Variants in MACROD2 observed in about 807,000 individuals in gnomAD.
MACROD2 encodes mono-ADP ribosylhydrolase 2.
MACROD2 carries 36 observed loss-of-function variants against 70.4 expected under a neutral mutation model. The ratio of observed to expected loss-of-function variants is 0.51; its 90% CI spans 0.39 to 0.68. The LOEUF (loss-of-function observed/expected upper bound fraction) is 0.68. Among genes scored for constraint, MACROD2 ranks in the 30% least tolerant of loss-of-function variants. The pLI is 0.00. For missense variants in MACROD2, 496 were observed against 538.4 expected (o/e 0.92, Z 0.78); for synonymous variants, 172 against 178.8 (o/e 0.96, Z 0.30).
intron 3 of MACROD2, among the ~76,000 whole-genome samples, chr20:14,263,709 G>A (rs948990241): frequency 1.3e-5 from 2 of 151,878 alleles, no homozygotes; most frequent in Non-Finnish European, 2.9e-5. Context: ...GCTTGTAATC[G>A]CAGCACTTTG....
intron 8 of MACROD2, among the ~76,000 whole-genome samples, chr20:15,627,945 T>C (rs191098945): frequency 1.3e-5 from 2 of 152,338 alleles, no homozygotes; most frequent in Admixed American, 1.3e-4. Flanking sequence ...CGTAATTTTC[T>C]CACTGTTATA....
intron 6 of MACROD2, among the ~76,000 whole-genome samples, chr20:15,268,533 A>C (rs983903155): frequency 1.3e-5 from 2 of 152,182 alleles, no homozygotes; most frequent in African/African-American, 4.8e-5. Flanking sequence ...GGGCGCCTGT[A>C]ATCCTAGCTA....
chr20:15,928,690 G>A (rs965041097), intron 10 of MACROD2, among the ~76,000 whole-genome samples: 3 of 152,224 alleles, frequency 2.0e-5, no homozygotes, highest in African/African-American at 7.2e-5. Flanking sequence ...TAGACACTGA[G>A]TGGAACATAT....
intron 3 of MACROD2, among the ~76,000 whole-genome samples, chr20:14,200,738 T>C (rs1409543386): frequency 6.6e-6 from 1 of 152,328 alleles, no homozygotes; most frequent in South Asian, 2.1e-4. Context: ...CATCTCTTGA[T>C]TTTATGTTTT....
At chr20:15,340,122 C>CT (rs1813670640) in intron 6 of MACROD2, among the ~76,000 whole-genome samples, 1 of 81,880 alleles carries the variant, frequency 1.2e-5, no homozygotes, top group Admixed American at 1.4e-4. Context: ...TTCTTTCTTT[C>CT]TTTCTTTCTT....
chr20:15,790,319 C>T (rs1260539992), intron 8 of MACROD2, among the ~76,000 whole-genome samples: 1 of 151,378 alleles, frequency 6.6e-6, no homozygotes, highest in Non-Finnish European at 1.5e-5. Flanking sequence ...TTTTTACATT[C>T]TTATTATGAA....
intron 10 of MACROD2, among the ~76,000 whole-genome samples, chr20:15,919,503 G>A (rs943154263): frequency 1.3e-5 from 2 of 152,192 alleles, no homozygotes; most frequent in Admixed American, 6.5e-5. Context: ...TTGGGAGGCC[G>A]AGGTGGGCAG....
chr20:15,407,058 C>T (rs758362924), intron 6 of MACROD2, among the ~76,000 whole-genome samples: 27 of 152,272 alleles, frequency 1.8e-4, no homozygotes, highest in Middle Eastern at 3.4e-3. Context: ...TGACTGGTTC[C>T]GAGTCCTAGC....
intron 3 of MACROD2, among the ~76,000 whole-genome samples, chr20:14,364,137 C>A: frequency 6.6e-6 from 1 of 152,124 alleles, no homozygotes; most frequent in East Asian, 1.9e-4. Flanking sequence ...GTTTGCTGAT[C>A]TTTTCCTTTT....
At chr20:14,471,408 G>C (rs543564974) in intron 3 of MACROD2, among the ~76,000 whole-genome samples, 1 of 152,256 alleles carries the variant, frequency 6.6e-6, no homozygotes, top group African/African-American at 2.4e-5. Flanking sequence ...TTGACATGCT[G>C]AATGACAACA....
chr20:14,463,457 A>C (rs375684053), intron 3 of MACROD2, among the ~76,000 whole-genome samples: 1 of 151,900 alleles, frequency 6.6e-6, no homozygotes, highest in Non-Finnish European at 1.5e-5. Flanking sequence ...GGGTTTTCTA[A>C]ATATACAATC....
intron 10 of MACROD2, among the ~76,000 whole-genome samples, chr20:15,932,145 T>A (rs1404678650): frequency 6.6e-6 from 1 of 152,030 alleles, no homozygotes; most frequent in Non-Finnish European, 1.5e-5. Context: ...GCTGGCAGGG[T>A]GGAAAGGTTC....
intron 5 of MACROD2, among the ~76,000 whole-genome samples, chr20:14,686,671 T>C (rs539406503): frequency 6.6e-6 from 1 of 152,296 alleles, no homozygotes; most frequent in East Asian, 1.9e-4. Context: ...ATAGTCTAGG[T>C]GTGTAGTAGG....
chr20:14,462,598 AAGTCC>A lies in MACROD2; in HGVS notation c.272-30880_272-30876del, dbSNP rs995884489. On this transcript the variant is annotated intron_variant, in intron 3 of 17. Coordinates refer to ENST00000684519, the MANE Select transcript of MACROD2 (RefSeq NM_001351661.2). ...CATTGCTTTTGGTGTTTTAGACATG[AAGTCC>A]TTGCCCATGCCTATGTCCTGAATGG... 2.6e-4 allele frequency among the ~76,000 whole-genome samples: 31 copies of A among 118,434 alleles called. No homozygotes were observed. The East Asian group carries it at 0.018, about 70-fold the overall frequency. 77.7% of individuals were successfully genotyped at this position (118,434 alleles called of 152,430 possible).
At chr20:15,575,711 G>T (rs1304760393) in intron 8 of MACROD2, among the ~76,000 whole-genome samples, 1 of 152,116 alleles carries the variant, frequency 6.6e-6, no homozygotes, top group Non-Finnish European at 1.5e-5. Flanking sequence ...AGCATATCAT[G>T]CCCTGAGAAA....
intron 5 of MACROD2, among the ~76,000 whole-genome samples, chr20:14,812,257 A>G (rs1169918341): frequency 6.6e-6 from 1 of 152,044 alleles, no homozygotes; most frequent in Non-Finnish European, 1.5e-5. Flanking sequence ...ATAAAAAAGA[A>G]TGAGTTCATG....
At chr20:14,074,454 C>T (rs1601190201) in intron 2 of MACROD2, among the ~76,000 whole-genome samples, 2 of 152,244 alleles carry the variant, frequency 1.3e-5, no homozygotes, top group Admixed American at 6.5e-5. Context: ...GACTCCTAAA[C>T]CATTGCCCTA....
intron 8 of MACROD2, among the ~76,000 whole-genome samples, chr20:15,637,783 A>C (rs1041499131): frequency 6.6e-6 from 1 of 152,292 alleles, no homozygotes; most frequent in African/African-American, 2.4e-5. Context: ...CATGATTGTC[A>C]CATACAGATG....
chr20:14,820,752 T>C lies in MACROD2; in HGVS notation c.418+135793T>C, dbSNP rs571891065. Among the ~76,000 whole-genome samples, 2 of 152,192 alleles carry C rather than the reference T, an allele frequency of 1.3e-5. 1 individual carries two copies. Among genetic ancestry groups the C allele is most frequent in the South Asian group, 4.2e-4 (2 of 4,816 alleles). Reference sequence around the variant, plus strand: ...CCCTTTTTAAGGATTTAGAGTATTATGCCTGAGTGAATTGATTCATAGGGA... The same window carrying C: ...CCCTTTTTAAGGATTTAGAGTATTACGCCTGAGTGAATTGATTCATAGGGA... On this transcript the variant is annotated intron_variant, in intron 5 of 17. Coordinates refer to ENST00000684519, the MANE Select transcript of MACROD2 (RefSeq NM_001351661.2).
Sources: allele counts gnomAD v4.1 joint callset (sites outside exome capture counted in the v4.1 genomes callset), GRCh38; gene constraint gnomAD v4.1.1; transcripts MANE v1.5; gene names NCBI Gene and HGNC (gene_info 2026-07-23, HGNC 2026-07-21).